Variants in ZNF536 observed in about 807,000 individuals in gnomAD.
The protein encoded by ZNF536 is zinc finger protein 536.
In ZNF536, 13 loss-of-function variants were observed where a neutral mutation model predicts 84.5. The ratio of observed to expected loss-of-function variants is 0.15; its 90% confidence interval spans 0.10 to 0.24. The LOEUF is 0.24. Ranked by LOEUF, ZNF536 falls within the 10% of genes least tolerant of loss-of-function variation. The pLI is 1.00. For synonymous variants in ZNF536, 811 were observed against 742.5 expected (o/e 1.09, Z -1.50); for missense variants, 1,536 against 1,747.5 (o/e 0.88, Z 2.16).
chr19:30,297,574 T>G (rs991056319), intron 2 of ZNF536, among the ~76,000 whole-genome samples: 1 of 152,184 alleles, frequency 6.6e-6, no homozygotes, highest in East Asian at 1.9e-4. Flanking sequence ...AGAACTCTAT[T>G]TTTTCCTCAG....
chr19:30,350,923 G>A (rs910255376), intron 2 of ZNF536, among the ~76,000 whole-genome samples: 1 of 152,224 alleles, frequency 6.6e-6, no homozygotes, highest in Non-Finnish European at 1.5e-5. Flanking sequence ...GTCTCAGAAT[G>A]TTTCAGCTCA....
At chr19:30,623,140 C>T (rs562520402) in intron 1 of ZNF536, among the ~76,000 whole-genome samples, 1 of 151,354 alleles carries the variant, frequency 6.6e-6, no homozygotes, top group African/African-American at 2.4e-5. Flanking sequence ...TGTCTCCTAC[C>T]CCATATCCAT....
At chr19:30,352,076 A>G (rs964832294) in intron 2 of ZNF536, among the ~76,000 whole-genome samples, 9 of 152,202 alleles carry the variant, frequency 5.9e-5, no homozygotes, top group African/African-American at 1.9e-4. Context: ...GGAGTGAGAA[A>G]ATAAAGTGGA....
At chr19:30,672,283 A>G (rs1436116657) in intron 1 of ZNF536, among the ~76,000 whole-genome samples, 1 of 152,160 alleles carries the variant, frequency 6.6e-6, no homozygotes, top group East Asian at 1.9e-4. Context: ...GATGTTATAG[A>G]GACTTAAGTG....
intron 1 of ZNF536, among the ~76,000 whole-genome samples, chr19:30,380,111 C>A (rs2048965778): frequency 6.6e-6 from 1 of 152,174 alleles, no homozygotes; most frequent in Non-Finnish European, 1.5e-5. Flanking sequence ...GAGCTGAAGA[C>A]CCCAACAGAA....
intron 1 of ZNF536, among the ~76,000 whole-genome samples, chr19:30,441,050 G>A (rs1284192377): frequency 6.6e-6 from 1 of 152,150 alleles, no homozygotes; most frequent in Non-Finnish European, 1.5e-5. Context: ...GTGGTGTTGG[G>A]GGACATGGTC....
rs146810956 is a variant in ZNF536, at chr19:30,332,092, C to T, written c.-119-20276C>T. On this transcript the variant is annotated intron_variant, in intron 2 of 5. Coordinates refer to the ZNF536 transcript ENST00000585628. ...AGGTGTCACTCAGAATCCATGGCCA[C>T]GGGCATCAAATGGGCCCTCAGCATG... is the stretch of plus-strand genomic sequence containing the variant. Among the ~76,000 whole-genome samples, 981 of 152,294 alleles carry T rather than the reference C, an allele frequency of 6.4e-3. 1 individual carries two copies. The highest frequency in any genetic ancestry group is 0.034 in the Middle Eastern group (10 of 294).
At chr19:30,338,309 A>G (rs751754451) in intron 2 of ZNF536, among the ~76,000 whole-genome samples, 1 of 150,822 alleles carries the variant, frequency 6.6e-6, no homozygotes, top group African/African-American at 2.4e-5. Context: ...GATGACAATG[A>G]TAATATGATG....
chr19:30,617,333 CTTTTT>C (rs556835599), intron 1 of ZNF536, among the ~76,000 whole-genome samples: 60 of 37,668 alleles, frequency 1.6e-3, no homozygotes, highest in Non-Finnish European at 2.1e-3. Context: ...GAATAGCTTA[CTTTTT>C]TTTTTTTTTT....
At chr19:30,679,107 G>A (rs2050868329) in intron 1 of ZNF536, among the ~76,000 whole-genome samples, 1 of 152,022 alleles carries the variant, frequency 6.6e-6, no homozygotes, top group Non-Finnish European at 1.5e-5. Context: ...AGAAGACAGG[G>A]GTGAACGGGC....
At chr19:30,708,068 T>C (rs1340418626) in intron 1 of ZNF536, among the ~76,000 whole-genome samples, 2 of 150,570 alleles carry the variant, frequency 1.3e-5, no homozygotes, top group Non-Finnish European at 3.0e-5. Context: ...GGCAAGGTGA[T>C]ACAAGAATAT....
chr19:30,533,291 C>T (rs928203580), intron 2 of ZNF536, among the ~76,000 whole-genome samples: 7 of 152,060 alleles, frequency 4.6e-5, no homozygotes, highest in African/African-American at 9.7e-5. Flanking sequence ...GAGGCTGAGG[C>T]GGAAAGATTG....
At chr19:30,402,796 A>AATATATATATATATAT (rs869301101) in intron 1 of ZNF536, among the ~76,000 whole-genome samples, 46 of 85,584 alleles carry the variant, frequency 5.4e-4, no homozygotes, top group African/African-American at 1.3e-3. Context: ...AAAATTAAAA[A>AATATATATATATATAT]ATATATATAT....
intron 1 of ZNF536, among the ~76,000 whole-genome samples, chr19:30,387,179 C>G (rs1008276813): frequency 6.6e-6 from 1 of 152,200 alleles, no homozygotes; most frequent in African/African-American, 2.4e-5. Context: ...TGGCTAGAAC[C>G]TGTCCAGGCC....
chr19:30,366,416 CCTT>C (rs1207358320), intron 3 of ZNF536, among the ~76,000 whole-genome samples: 1 of 150,298 alleles, frequency 6.7e-6, no homozygotes, highest in African/African-American at 2.5e-5. Flanking sequence ...CTCCTTCCTT[CCTT>C]CTTTCCTTCC....
intron 3 of ZNF536, 22 bp downstream of exon 3, chr19:30,535,021 A>T (rs2045010067): frequency 1.2e-6 from 2 of 1,600,474 alleles, no homozygotes; most frequent in East Asian, 4.5e-5. Context: ...GAGTGCATCC[A>T]GGGGCACAGC....
At position 30,345,817 on chromosome 19, in the gene ZNF536, C is replaced by T. The variant is rs989673158; in HGVS notation, c.-119-6551C>T. Among the ~76,000 whole-genome samples the T allele has an allele frequency of 3.9e-5, 6 of 152,280 alleles. No individual in the cohort carries two copies. In the East Asian group the frequency reaches 1.2e-3, roughly 29 times the overall value. The stretch of plus-strand genomic sequence containing the variant: ...AGTGTCATCCCGGGGACTAGGTCGG[C>T]CTACCTGAAAGGGGACTGGCCTCTG... On this transcript the variant is annotated intron_variant, in intron 2 of 5. Transcript: ENST00000585628.
chr19:30,433,318 T>C (rs1340958918), intron 1 of ZNF536, among the ~76,000 whole-genome samples: 3 of 152,180 alleles, frequency 2.0e-5, no homozygotes, highest in Non-Finnish European at 4.4e-5. Flanking sequence ...CATGAGTCCA[T>C]CCATCTTCCC....
At chr19:30,599,345 C>G (rs1323457051) in intron 1 of ZNF536, among the ~76,000 whole-genome samples, 2 of 135,332 alleles carry the variant, frequency 1.5e-5, no homozygotes, top group African/African-American at 5.6e-5. Flanking sequence ...TCCTCCCTCC[C>G]TGATCCCTCC....
Sources: allele counts gnomAD v4.1 joint callset (sites outside exome capture counted in the v4.1 genomes callset), GRCh38; gene constraint gnomAD v4.1.1; transcripts MANE v1.5; gene names NCBI Gene and HGNC (gene_info 2026-07-23, HGNC 2026-07-21).